The following PTPRT variants were observed in gnomAD, a reference collection of about 807,000 sequenced individuals.
The protein encoded by PTPRT is protein tyrosine phosphatase receptor type T.
Under a neutral mutation model 176.8 loss-of-function variants are expected in PTPRT, and 56 were observed. The observed-to-expected ratio is 0.32, with a 90% confidence interval of 0.26 to 0.40. The LOEUF is 0.40. PTPRT is among the 10% of genes least tolerant of loss of function. PTPRT has a pLI of 1.00. For synonymous variants in PTPRT, 783 were observed against 739.0 expected (o/e 1.06, Z -0.96); for missense variants, 1,540 against 1,908.2 (o/e 0.81, Z 3.60).
chr20:42,544,856 G>A (rs1018986532), intron 7 of PTPRT, among the ~76,000 whole-genome samples: 2 of 152,150 alleles, frequency 1.3e-5, no homozygotes, highest in South Asian at 4.1e-4. Context: ...GTCTCATTAT[G>A]TTGCCCAGGC....
intron 6 of PTPRT, among the ~76,000 whole-genome samples, chr20:42,742,814 C>G (rs1451886913): frequency 6.6e-6 from 1 of 152,214 alleles, no homozygotes; most frequent in African/African-American, 2.4e-5. Context: ...ATCCTTCTGT[C>G]CCTTTCTACA....
At chr20:42,276,152 G>A (rs1386958682) in intron 13 of PTPRT, among the ~76,000 whole-genome samples, 1 of 152,038 alleles carries the variant, frequency 6.6e-6, no homozygotes, top group Admixed American at 6.6e-5. Flanking sequence ...AGAAAGGACA[G>A]TGTCATAGTC....
rs2075678420 is a variant in PTPRT at position 42,685,612 on chromosome 20, A to G, written c.860-7453T>C. ...GGGACATCATAAATTCCTATGAAAA[A>G]GTCTCTCCTTCACTTTGCTGAACTA... On this transcript the variant is annotated intron_variant, in intron 6 of 30. Transcript: ENST00000373187. 1.3e-5 allele frequency: 2 copies of G among 152,298 alleles called. 1 individual carries two copies. Among genetic ancestry groups the G allele is most frequent in the Admixed American group, 1.3e-4 (2 of 15,298 alleles). 9.4% of individuals were successfully genotyped at this position (152,298 alleles called of 1,614,324 possible). A position where few individuals can be genotyped will look rare whatever the true frequency, so the allele number is the denominator to read the frequency against.
At chr20:42,543,587 A>G (rs1350714567) in intron 7 of PTPRT, among the ~76,000 whole-genome samples, 1 of 151,896 alleles carries the variant, frequency 6.6e-6, no homozygotes, top group Admixed American at 6.6e-5. Context: ...TATTATTAAT[A>G]TCTTGACATT....
chr20:43,011,271 CAG>C (rs1175844227), intron 1 of PTPRT, among the ~76,000 whole-genome samples: 1 of 152,128 alleles, frequency 6.6e-6, no homozygotes. Flanking sequence ...CACAAATGGC[CAG>C]AGTCTGTCCT....
At chr20:42,260,927 GC>G (rs1483921935) in intron 13 of PTPRT, among the ~76,000 whole-genome samples, 1 of 152,186 alleles carries the variant, frequency 6.6e-6, no homozygotes, top group African/African-American at 2.4e-5. Flanking sequence ...TCTCTGGATG[GC>G]AGCTCTTGGC....
intron 9 of PTPRT, among the ~76,000 whole-genome samples, chr20:42,422,700 A>G (rs1325792544): frequency 1.3e-5 from 2 of 152,230 alleles, no homozygotes; most frequent in African/African-American, 2.4e-5. Context: ...ATTACTGGGT[A>G]TATACCCAAA....
chr20:42,582,379 A>G (rs1293390520), intron 7 of PTPRT, among the ~76,000 whole-genome samples: 1 of 152,156 alleles, frequency 6.6e-6, no homozygotes, highest in Admixed American at 6.5e-5. Flanking sequence ...AGGCTGGAAC[A>G]CACTGTCCAG....
At chr20:43,097,112 C>CCA (rs1375531303) in intron 1 of PTPRT, among the ~76,000 whole-genome samples, 1 of 152,184 alleles carries the variant, frequency 6.6e-6, no homozygotes, top group Non-Finnish European at 1.5e-5. Flanking sequence ...CATAATTCAA[C>CCA]CACACTTGGG....
At chr20:42,456,677 A>G (rs2070930921) in intron 8 of PTPRT, among the ~76,000 whole-genome samples, 1 of 152,144 alleles carries the variant, frequency 6.6e-6, no homozygotes, top group Non-Finnish European at 1.5e-5. Context: ...CTAAAGTTAG[A>G]CTAACACTAA....
chr20:42,356,300 G>C (rs2058357356), intron 9 of PTPRT, among the ~76,000 whole-genome samples: 1 of 152,144 alleles, frequency 6.6e-6, no homozygotes, highest in Non-Finnish European at 1.5e-5. Context: ...CTGGGCTCCT[G>C]GCATGGGTTC....
chr20:42,897,377 A>G (rs1020013919), intron 1 of PTPRT, among the ~76,000 whole-genome samples: 2 of 152,202 alleles, frequency 1.3e-5, no homozygotes, highest in African/African-American at 4.8e-5. Context: ...AAATCCAGGA[A>G]TGAAAACAAC....
intron 7 of PTPRT, among the ~76,000 whole-genome samples, chr20:42,506,423 T>C (rs1352934755): frequency 1.3e-5 from 2 of 152,192 alleles, no homozygotes; most frequent in South Asian, 4.1e-4. Flanking sequence ...TTTATTGACT[T>C]AATTCCTTAA....
At chr20:42,370,341 T>A (rs943096638) in intron 9 of PTPRT, among the ~76,000 whole-genome samples, 2 of 152,184 alleles carry the variant, frequency 1.3e-5, no homozygotes, top group Admixed American at 6.5e-5. Context: ...GTGCCAGGTG[T>A]CAAGCCTTCC....
chr20:42,798,528 A>T (rs2077484662), intron 2 of PTPRT, among the ~76,000 whole-genome samples: 1 of 152,210 alleles, frequency 6.6e-6, no homozygotes, highest in African/African-American at 2.4e-5. Context: ...TATCTATGAA[A>T]GCAATCTAAT....
At chr20:42,829,128 C>CCA (rs2078046300) in intron 2 of PTPRT, among the ~76,000 whole-genome samples, 3 of 152,288 alleles carry the variant, frequency 2.0e-5, no homozygotes, top group African/African-American at 7.2e-5. Flanking sequence ...CCCATCTCTT[C>CCA]CATCAGCATG....
At chr20:42,695,562 T>C (rs567762983) in intron 6 of PTPRT, among the ~76,000 whole-genome samples, 17 of 152,078 alleles carry the variant, frequency 1.1e-4, no homozygotes, top group Admixed American at 2.0e-4. Flanking sequence ...AATAAGAAAA[T>C]TAAAGAATAT....
intron 2 of PTPRT, among the ~76,000 whole-genome samples, chr20:42,874,410 C>T (rs2078896368): frequency 6.6e-6 from 1 of 151,800 alleles, no homozygotes; most frequent in Non-Finnish European, 1.5e-5. Context: ...GCATTTCTTC[C>T]ATTTTTCCAG....
Position 42,803,025 on chromosome 20 carries a change from G to A in PTPRT, c.215-11559C>T, listed in dbSNP as rs893635015. Among the ~76,000 whole-genome samples, 5 of 152,318 alleles carry A rather than the reference G, an allele frequency of 3.3e-5. No homozygotes were observed. The East Asian group carries it at 5.8e-4, about 18-fold the overall frequency. Reference sequence around the variant, plus strand: ...TACCATGATCATCAGTGGCAGAAGCGGCATTTCTGAGCCCTCATGCAGATC... The same window carrying A: ...TACCATGATCATCAGTGGCAGAAGCAGCATTTCTGAGCCCTCATGCAGATC... On this transcript the variant is annotated intron_variant, in intron 2 of 30. Coordinates refer to ENST00000373187, the MANE Select transcript of PTPRT (RefSeq NM_007050.6).
Sources: allele counts gnomAD v4.1 joint callset (sites outside exome capture counted in the v4.1 genomes callset), GRCh38; gene constraint gnomAD v4.1.1; transcripts MANE v1.5; gene names NCBI Gene and HGNC (gene_info 2026-07-23, HGNC 2026-07-21).